Variants in GET1 observed in about 807,000 individuals in gnomAD.
GET1 encodes the protein guided entry of tail-anchored proteins factor 1.
In GET1, 20 loss-of-function variants were observed where a neutral mutation model predicts 22.6. The ratio of observed to expected loss-of-function variants is 0.89; its 90% confidence interval spans 0.62 to 1.29. The LOEUF is 1.29. Among genes scored for constraint, GET1 ranks in the 50% most tolerant of loss-of-function variants. The pLI, the probability that GET1 is intolerant of heterozygous loss-of-function variation, is 0.00. For missense variants in GET1, 209 were observed against 219.9 expected (o/e 0.95, Z 0.31); for synonymous variants, 92 against 83.8 (o/e 1.10, Z -0.53).
intron 1 of GET1, among the ~76,000 whole-genome samples, chr21:39,419,738 A>G (rs924179112): frequency 6.6e-6 from 1 of 152,084 alleles, no homozygotes. Flanking sequence ...CTTAAAAATA[A>G]AAAAGTTAAA....
chr21:39,423,276 C>G (rs1330653660), intron 1 of GET1: 3 of 1,609,600 alleles, frequency 1.9e-6, no homozygotes, highest in East Asian at 2.2e-5. Context: ...AATGCCTAAG[C>G]TGAAGTTGTT....
Position 39,387,746 on chromosome 21 carries a change from C to A in GET1, c.103-2952C>A, listed in dbSNP as rs529922077. ...GGCGCTGGTAGGCGGCATCACTGGG[C>A]GGGTCAGAAACCACGCGCATGCGCA... On this transcript the variant is annotated intron_variant, in intron 1 of 4. Transcript: ENST00000649170. 12 of 980,306 alleles carry A rather than the reference C, an allele frequency of 1.2e-5. No individual in the cohort carries two copies. In the East Asian group the frequency reaches 6.0e-4, roughly 49 times the overall value. The allele number at this position is 980,306 out of a possible 1,614,324, so 60.7% of individuals were successfully genotyped here. A position where few individuals can be genotyped will look rare whatever the true frequency, so the allele number is the denominator to read the frequency against.
At chr21:39,420,191 A>G (rs1181101118) in intron 1 of GET1, among the ~76,000 whole-genome samples, 2 of 152,120 alleles carry the variant, frequency 1.3e-5, no homozygotes, top group African/African-American at 2.4e-5. Flanking sequence ...TGTTCATATG[A>G]TTGTAGAGAA....
chr21:39,403,592 G>GC (rs2038899356), intron 4 of GET1, among the ~76,000 whole-genome samples: 1 of 150,210 alleles, frequency 6.7e-6, no homozygotes, highest in Non-Finnish European at 1.5e-5. Flanking sequence ...AAAGTGCTGG[G>GC]GTGAGCCACC....
intron 4 of GET1, chr21:39,405,818 A>G: frequency 8.0e-7 from 1 of 1,247,478 alleles, no homozygotes; most frequent in Non-Finnish European, 1.1e-6. Context: ...CATTTCAAAA[A>G]TAAGATGCAA....
chr21:39,385,147 A>G (rs1340339420), intron 1 of GET1, among the ~76,000 whole-genome samples: 1 of 152,088 alleles, frequency 6.6e-6, no homozygotes, highest in African/African-American at 2.4e-5. Flanking sequence ...CAGAAAGTCG[A>G]ATTGGGAAAA....
exon 5 of GET1, chr21:39,406,211 T>C: frequency 1.2e-6 from 2 of 1,614,270 alleles, no homozygotes; most frequent in Middle Eastern, 3.3e-4. Flanking sequence ...ATTTCCTCTC[T>C]GTTACTGAGA....
At chr21:39,399,507 C>T (rs546699154), downstream of GET1, among the ~76,000 whole-genome samples, 12 of 152,032 alleles carry the variant, frequency 7.9e-5, no homozygotes, top group East Asian at 1.9e-3. Flanking sequence ...TGCAGTGGCG[C>T]GATCTCGGCT....
intron 3 of GET1, among the ~76,000 whole-genome samples, chr21:39,392,372 GC>G (rs2146975467): frequency 6.6e-6 from 1 of 152,194 alleles, no homozygotes; most frequent in South Asian, 2.1e-4. Context: ...GACACCTTTA[GC>G]AGCTGCCGTA....
intron 1 of GET1, chr21:39,423,277 T>C (rs1287490673): frequency 1.2e-6 from 2 of 1,609,456 alleles, no homozygotes; most frequent in African/African-American, 2.7e-5. Context: ...ATGCCTAAGC[T>C]GAAGTTGTTT....
chr21:39,388,595 T>G (rs1405297340), intron 1 of GET1, among the ~76,000 whole-genome samples: 1 of 152,220 alleles, frequency 6.6e-6, no homozygotes, highest in East Asian at 1.9e-4. Flanking sequence ...GGCAGTGCTG[T>G]GTTCTCATTG....
At chr21:39,401,238 G>A (rs1415630367), downstream of GET1, among the ~76,000 whole-genome samples, 2 of 151,964 alleles carry the variant, frequency 1.3e-5, no homozygotes, top group African/African-American at 2.4e-5. Flanking sequence ...TTGTAGAGAC[G>A]GGGTCTTGCT....
intron 2 of GET1, chr21:39,391,544 A>G: frequency 2.1e-6 from 1 of 483,122 alleles, no homozygotes; most frequent in Non-Finnish European, 3.7e-6. Context: ...TTTCAAAATT[A>G]AAGCTATTCA....
downstream of GET1, among the ~76,000 whole-genome samples, chr21:39,401,568 C>G (rs934259098): frequency 6.6e-6 from 1 of 152,168 alleles, no homozygotes; most frequent in African/African-American, 2.4e-5. Context: ...ATACTTGAAT[C>G]TGTAAAAATA....
At chr21:39,409,593 T>G (rs756172972), downstream of GET1, among the ~76,000 whole-genome samples, 3 of 148,994 alleles carry the variant, frequency 2.0e-5, no homozygotes, top group Admixed American at 6.7e-5. The surrounding 1 kb of genome is among the most constrained non-coding windows in gnomAD (Gnocchi z 4.2). Flanking sequence ...CGGTTTTATG[T>G]TTTTTTTTTA....
downstream of GET1, among the ~76,000 whole-genome samples, chr21:39,406,995 G>A (rs994475996): frequency 8.5e-5 from 13 of 152,222 alleles, no homozygotes; most frequent in African/African-American, 3.1e-4. Context: ...GGGAGGCTGA[G>A]GCAGGAGGAC....
At chr21:39,407,799 A>G (rs1174581207), downstream of GET1, 1 of 152,236 alleles carries the variant, frequency 6.6e-6, no homozygotes, top group African/African-American at 2.4e-5. Context: ...CTAGGACACT[A>G]TGAATTAGGA....
exon 5 of GET1, chr21:39,406,326 A>T (rs757303617): frequency 2.5e-6 from 4 of 1,614,144 alleles, no homozygotes; most frequent in Non-Finnish European, 3.4e-6. Flanking sequence ...TGAATGAGTA[A>T]TGTCTTCTTT....
intron 1 of GET1, among the ~76,000 whole-genome samples, chr21:39,383,075 C>T (rs943889845): frequency 1.4e-4 from 21 of 151,642 alleles, no homozygotes; most frequent in Admixed American, 5.9e-4. Context: ...CTCAGCCTCC[C>T]GAGTAGCTGG....
Sources: allele counts gnomAD v4.1 joint callset (sites outside exome capture counted in the v4.1 genomes callset), GRCh38; gene constraint gnomAD v4.1.1; non-coding constraint Gnocchi (gnomAD v3.1); transcripts MANE v1.5; gene names NCBI Gene and HGNC (gene_info 2026-07-23, HGNC 2026-07-21).